Variants in TMEM217B observed in about 807,000 individuals in gnomAD.
The protein encoded by TMEM217B is transmembrane protein 217B, also known as putative transmembrane protein 217B.
the TMEM217B span, among the ~76,000 whole-genome samples, chr6:37,255,979 C>A: frequency 8.5e-5 from 13 of 152,086 alleles, no homozygotes; most frequent in African/African-American, 3.1e-4. Context: ...TTAACTACAC[C>A]CCCTGGGAAT....
chr6:37,257,845 G>T, the TMEM217B span: 1 of 1,550,210 alleles, frequency 6.5e-7, no homozygotes, highest in Non-Finnish European at 8.8e-7. Flanking sequence ...TTGGCCCTCA[G>T]ATTGCGGGGT....
chr6:37,249,228 C>T, the TMEM217B span, among the ~76,000 whole-genome samples: 1 of 152,286 alleles, frequency 6.6e-6, no homozygotes, highest in Non-Finnish European at 1.5e-5. Context: ...TTAAGCATAT[C>T]CATTTGTAGA....
At chr6:37,233,765 G>A in the TMEM217B span, among the ~76,000 whole-genome samples, 3 of 152,020 alleles carry the variant, frequency 2.0e-5, no homozygotes, top group African/African-American at 4.8e-5. Flanking sequence ...TACTTAAGTC[G>A]CTAACTAACG....
chr6:37,250,949 C>T, the TMEM217B span, among the ~76,000 whole-genome samples: 30 of 152,136 alleles, frequency 2.0e-4, no homozygotes, highest in East Asian at 3.9e-4. Flanking sequence ...TGGTATTACG[C>T]GGTAAGGTAT....
the TMEM217B span, among the ~76,000 whole-genome samples, chr6:37,227,344 T>C: frequency 1.3e-5 from 2 of 152,224 alleles, no homozygotes; most frequent in East Asian, 3.8e-4. Flanking sequence ...TTCTTCTTTC[T>C]CTCTCTTTCC....
the TMEM217B span, among the ~76,000 whole-genome samples, chr6:37,250,258 G>A: frequency 6.6e-6 from 1 of 152,212 alleles, no homozygotes; most frequent in East Asian, 1.9e-4. Context: ...ACATCTGAAA[G>A]AGAGAGAAAA....
the TMEM217B span, among the ~76,000 whole-genome samples, chr6:37,253,495 T>G: frequency 6.6e-6 from 1 of 152,222 alleles, no homozygotes; most frequent in East Asian, 1.9e-4. Context: ...CCTTGCCTTC[T>G]CTAATATAAC....
At chr6:37,226,002 G>A in the TMEM217B span, among the ~76,000 whole-genome samples, 6 of 152,132 alleles carry the variant, frequency 3.9e-5, no homozygotes, top group Non-Finnish European at 8.8e-5. Flanking sequence ...ATTGTCTTTT[G>A]GGGTTTCTTT....
chr6:37,257,401 G>A, the TMEM217B span, among the ~76,000 whole-genome samples: 1 of 152,194 alleles, frequency 6.6e-6, no homozygotes, highest in Non-Finnish European at 1.5e-5. Flanking sequence ...ATTGAGAGAT[G>A]TTAAAAATGG....
the TMEM217B span, among the ~76,000 whole-genome samples, chr6:37,255,080 C>T: frequency 6.6e-6 from 1 of 152,148 alleles, no homozygotes; most frequent in Non-Finnish European, 1.5e-5. Context: ...TCCTGCTGTG[C>T]GGCCTGGTTC....
the TMEM217B span, among the ~76,000 whole-genome samples, chr6:37,237,033 C>G: frequency 6.6e-6 from 1 of 152,138 alleles, no homozygotes; most frequent in African/African-American, 2.4e-5. Flanking sequence ...AAAGAGCAAG[C>G]CAGATGGAAG....
At chr6:37,233,533 C>T in the TMEM217B span, among the ~76,000 whole-genome samples, 111 of 152,314 alleles carry the variant, frequency 7.3e-4, no homozygotes, top group African/African-American at 2.5e-3. Context: ...TCCTCTTTTA[C>T]GAGGGCATTA....
the TMEM217B span, among the ~76,000 whole-genome samples, chr6:37,243,574 C>G: frequency 6.6e-6 from 1 of 152,240 alleles, no homozygotes; most frequent in South Asian, 2.1e-4. Context: ...ATCAATCTCC[C>G]CAAAGGCTCA....
chr6:37,226,435 G>A, the TMEM217B span, among the ~76,000 whole-genome samples: 1 of 151,314 alleles, frequency 6.6e-6, no homozygotes, highest in East Asian at 1.9e-4. Flanking sequence ...TGGGACTATA[G>A]GCGCCTGCCA....
chr6:37,251,386 A>G, the TMEM217B span, among the ~76,000 whole-genome samples: 1 of 134,862 alleles, frequency 7.4e-6, no homozygotes, highest in South Asian at 2.5e-4. Flanking sequence ...ACTGCACTAG[A>G]GAAAAATTTC....
chr6:37,229,391 GGAGTGCAGCGGCGC>G, the TMEM217B span, among the ~76,000 whole-genome samples: 1 of 130,694 alleles, frequency 7.7e-6, no homozygotes. Flanking sequence ...CGCCCAGGCT[GGAGTGCAGCGGCGC>G]GATCTCGGCT....
At chr6:37,239,799 A>G in the TMEM217B span, among the ~76,000 whole-genome samples, 8 of 151,984 alleles carry the variant, frequency 5.3e-5, no homozygotes, top group African/African-American at 1.9e-4. Context: ...TAATTCATCT[A>G]TATCGGTTAA....
chr6:37,233,663 T>A, the TMEM217B span, among the ~76,000 whole-genome samples: 1 of 152,188 alleles, frequency 6.6e-6, no homozygotes, highest in East Asian at 1.9e-4. Flanking sequence ...ACATATACAT[T>A]CTAACCGTAG....
chr6:37,231,613 GGT>G, the TMEM217B span, among the ~76,000 whole-genome samples: 2 of 148,146 alleles, frequency 1.4e-5, no homozygotes, highest in Non-Finnish European at 3.0e-5. Context: ...GTGGGGTTGC[GGT>G]GAGCCGAGAT....
Sources: gnomAD v4.1 joint callset for allele counts (sites outside exome capture counted in the v4.1 genomes callset) on GRCh38, gnomAD v4.1.1 for gene constraint, MANE v1.5 for transcripts, NCBI Gene and HGNC (gene_info 2026-07-23, HGNC 2026-07-21) for gene names.